TMEM108: variants seen among roughly 807,000 people sequenced by gnomAD.
TMEM108 encodes the protein cancer/testis antigen 124.
A neutral mutation model predicts 35.1 loss-of-function variants in TMEM108; 12 were observed. The observed-to-expected ratio is 0.34, with a 90% CI of 0.22 to 0.55. The LOEUF is 0.55. TMEM108 is among the 20% of genes least tolerant of loss of function. The pLI, the probability that TMEM108 is intolerant of heterozygous loss-of-function variation, is 0.89. For synonymous variants in TMEM108, 287 were observed against 308.6 expected (o/e 0.93, Z 0.73); for missense variants, 680 against 753.3 (o/e 0.90, Z 1.14).
intron 2 of TMEM108, among the ~76,000 whole-genome samples, chr3:133,173,049 C>A (rs1576360187): frequency 2.0e-5 from 3 of 152,042 alleles, no homozygotes; most frequent in African/African-American, 7.2e-5. Context: ...TTGTAATTGC[C>A]CAGTCTCGGG....
At chr3:133,276,260 A>C (rs1160241509) in intron 3 of TMEM108, among the ~76,000 whole-genome samples, 1 of 152,220 alleles carries the variant, frequency 6.6e-6, no homozygotes, top group Non-Finnish European at 1.5e-5. Flanking sequence ...CCATGTTAAA[A>C]GCCATTTCAG....
chr3:133,196,767 C>T (rs970627440), intron 2 of TMEM108, among the ~76,000 whole-genome samples: 8 of 152,180 alleles, frequency 5.3e-5, no homozygotes, highest in African/African-American at 1.9e-4. Context: ...CCTTCAGTGA[C>T]TTTTGTCCTC....
At chr3:133,078,159 GCA>G (rs1212156448) in intron 2 of TMEM108, among the ~76,000 whole-genome samples, 3,507 of 140,854 alleles carry the variant, frequency 0.025, 67 homozygotes, top group Non-Finnish European at 0.032. Context: ...GTGTGTGTGT[GCA>G]CGCGCGCGCG....
At chr3:133,195,588 C>A (rs933052303) in intron 2 of TMEM108, among the ~76,000 whole-genome samples, 3 of 152,088 alleles carry the variant, frequency 2.0e-5, no homozygotes, top group African/African-American at 7.2e-5. Context: ...TGTCAATTAC[C>A]ACTCCTAGAT....
At chr3:133,223,351 A>C (rs1946020089) in intron 2 of TMEM108, among the ~76,000 whole-genome samples, 2 of 152,154 alleles carry the variant, frequency 1.3e-5, no homozygotes, top group African/African-American at 4.8e-5. Flanking sequence ...CTCGGTCAGC[A>C]GGTGGTCAGC....
chr3:133,274,261 G>T (rs1325157609), intron 3 of TMEM108, among the ~76,000 whole-genome samples: 1 of 152,170 alleles, frequency 6.6e-6, no homozygotes, highest in Non-Finnish European at 1.5e-5. Context: ...ATTTTGTTTT[G>T]TTTTTCATAA....
intron 2 of TMEM108, among the ~76,000 whole-genome samples, chr3:133,142,841 A>G (rs530413265): frequency 6.6e-6 from 1 of 152,192 alleles, no homozygotes; most frequent in East Asian, 1.9e-4. Flanking sequence ...TACATGTCTC[A>G]ATTATTTTCC....
At chr3:133,244,686 T>C (rs1277601548) in intron 3 of TMEM108, among the ~76,000 whole-genome samples, 1 of 152,210 alleles carries the variant, frequency 6.6e-6, no homozygotes, top group East Asian at 1.9e-4. Context: ...TTTGGCAGAA[T>C]CATTGCCAGC....
intron 3 of TMEM108, among the ~76,000 whole-genome samples, chr3:133,276,417 C>CA (rs1559889800): frequency 1.3e-5 from 2 of 151,976 alleles, no homozygotes; most frequent in Non-Finnish European, 2.9e-5. Flanking sequence ...TTCTAGAATC[C>CA]AAAAAATTAG....
chr3:133,386,814 G>A lies in TMEM108; in HGVS notation c.1451-3366G>A, dbSNP rs985748466. Reference sequence around the variant, plus strand: ...AATACAGGATAGTGGATATCAACTTGAAGATCATCAAGACCTGGACTCAAG... The same window carrying A: ...AATACAGGATAGTGGATATCAACTTAAAGATCATCAAGACCTGGACTCAAG... On this transcript the variant is annotated intron_variant, in intron 4 of 5. Coordinates refer to ENST00000321871, the MANE Select transcript of TMEM108 (RefSeq NM_023943.4). 4 of 763,712 alleles carry A rather than the reference G, an allele frequency of 5.2e-6. No homozygotes were observed. In the Admixed American group the frequency reaches 1.6e-4, roughly 31 times the overall value. 47.3% of individuals were successfully genotyped at this position (763,712 alleles called of 1,614,324 possible).
chr3:133,122,470 CCTG>C (rs1944364088), intron 2 of TMEM108, among the ~76,000 whole-genome samples: 1 of 152,110 alleles, frequency 6.6e-6, no homozygotes, highest in South Asian at 2.1e-4. Flanking sequence ...GTAAAAATAA[CCTG>C]CTATCTTTAT....
Position 133,377,107 on chromosome 3 carries a change from G to A in TMEM108, c.41-2645G>A, listed in dbSNP as rs918802715. Among the ~76,000 whole-genome samples the A allele has an allele frequency of 4.6e-5, 7 of 152,124 alleles. No homozygotes were observed. The East Asian group carries it at 1.3e-3, about 29-fold the overall frequency. On this transcript the variant is annotated intron_variant, in intron 3 of 5. Coordinates refer to ENST00000321871, the MANE Select transcript of TMEM108 (RefSeq NM_023943.4). Reference sequence around the variant, plus strand: ...TCTTAAGAAGGACACCAGTCAGATCGAATTAGGGCCCACTCTTTTGGCCTC... The same window carrying A: ...TCTTAAGAAGGACACCAGTCAGATCAAATTAGGGCCCACTCTTTTGGCCTC...
intron 2 of TMEM108, among the ~76,000 whole-genome samples, chr3:133,203,988 T>C (rs1293395094): frequency 2.0e-5 from 3 of 152,206 alleles, no homozygotes; most frequent in African/African-American, 7.2e-5. Context: ...TATTGGTCTA[T>C]TGAGGGATTT....
intron 2 of TMEM108, among the ~76,000 whole-genome samples, chr3:133,218,165 T>A (rs1031080253): frequency 6.6e-6 from 1 of 152,020 alleles, no homozygotes; most frequent in Non-Finnish European, 1.5e-5. Flanking sequence ...TATTTTTTTA[T>A]AACTATTGCA....
At chr3:133,095,450 A>AT (rs1411070952) in intron 2 of TMEM108, among the ~76,000 whole-genome samples, 2 of 152,176 alleles carry the variant, frequency 1.3e-5, no homozygotes, top group Non-Finnish European at 2.9e-5. Flanking sequence ...TTTCACGATG[A>AT]TTCAAGCACA....
chr3:133,304,176 A>G (rs1038852400), intron 3 of TMEM108, among the ~76,000 whole-genome samples: 12 of 152,184 alleles, frequency 7.9e-5, no homozygotes, highest in Non-Finnish European at 1.3e-4. Flanking sequence ...GAAATGCTCA[A>G]TTCTTTTCTT....
intron 3 of TMEM108, among the ~76,000 whole-genome samples, chr3:133,241,921 G>T (rs903500255): frequency 7.2e-5 from 11 of 152,036 alleles, no homozygotes; most frequent in African/African-American, 2.7e-4. Flanking sequence ...GCCTCCTGTG[G>T]CTTCTACAAC....
At chr3:133,228,546 T>C (rs1038788232) in intron 2 of TMEM108, among the ~76,000 whole-genome samples, 1 of 152,154 alleles carries the variant, frequency 6.6e-6, no homozygotes. Context: ...ACATTTGCCA[T>C]GTAAAATAAA....
At chr3:133,167,849 C>T (rs780031695) in intron 2 of TMEM108, among the ~76,000 whole-genome samples, 8 of 152,146 alleles carry the variant, frequency 5.3e-5, no homozygotes, top group Non-Finnish European at 1.0e-4. Flanking sequence ...CACAGTGCAG[C>T]GGCGGGCTGG....
Sources: allele counts gnomAD v4.1 joint callset (sites outside exome capture counted in the v4.1 genomes callset), GRCh38; gene constraint gnomAD v4.1.1; transcripts MANE v1.5; gene names NCBI Gene and HGNC (gene_info 2026-07-23, HGNC 2026-07-21).